TKTL1: variants seen among roughly 807,000 people sequenced by gnomAD.
TKTL1 encodes transketolase like 1.
A neutral mutation model predicts 39.3 loss-of-function variants in TKTL1; 1 was observed. That is an observed-to-expected ratio of 0.03 (90% confidence interval 0.01 to 0.12). The LOEUF is 0.12. Among genes scored for constraint, TKTL1 ranks in the 10% least tolerant of loss-of-function variants. The pLI is 1.00. For missense variants in TKTL1, 575 were observed against 509.6 expected, an observed-to-expected ratio of 1.13 and a Z score of -1.24; for synonymous variants, 262 against 193.8, an observed-to-expected ratio of 1.35 and a Z score of -2.92.
Position 154,295,888 on chromosome X carries a change from T to C in TKTL1, c.29T>C (p.Phe10Ser). The change falls in exon 1 of 13, where the codon TTC becomes TCC. Residue 10 changes from phenylalanine to serine, a missense_variant. Coordinates refer to ENST00000369915, the MANE Select transcript of TKTL1 (RefSeq NM_012253.4). ...GCGGATGCTGAGGCGAGGGCTGAGTTCCCGGAGGAGGCCAGACCTGACAGG... is the reference window on the plus strand; with the variant it reads ...GCGGATGCTGAGGCGAGGGCTGAGTCCCCGGAGGAGGCCAGACCTGACAGG... MADAEARAE[F>S]PEEARPDRGT... 1 of 1,211,564 alleles carries C rather than the reference T, an allele frequency of 8.3e-7. No individual in the cohort carries two copies. Among genetic ancestry groups the C allele is most frequent in the Non-Finnish European group, 1.1e-6 (1 of 895,349 alleles).
chrX:154,310,257 G>T (rs1451281550), intron 3 of TKTL1, among the ~76,000 whole-genome samples: 1 of 109,536 alleles, frequency 9.1e-6, no homozygotes, highest in Non-Finnish European at 1.9e-5. Flanking sequence ...AGGAGTTCGA[G>T]ACCAGCCTGG....
chrX:154,318,181 G>C (rs1358084561), intron 7 of TKTL1, among the ~76,000 whole-genome samples: 7 of 111,045 alleles, frequency 6.3e-5, no homozygotes, highest in Non-Finnish European at 1.1e-4. Context: ...GGGTCCTCTG[G>C]CCTCGGCCTC....
intron 1 of TKTL1, among the ~76,000 whole-genome samples, chrX:154,303,177 T>TTTTATTTATTTA (rs201017132): frequency 1.0e-4 from 9 of 88,807 alleles, no homozygotes; most frequent in East Asian, 3.5e-4. Context: ...TTTTTAAAAT[T>TTTTATTTATTTA]TTTATTTATT....
At chrX:154,301,158 C>T (rs1304201265) in intron 1 of TKTL1, among the ~76,000 whole-genome samples, 1 of 111,435 alleles carries the variant, frequency 9.0e-6, no homozygotes. Flanking sequence ...AGTTTTCCAT[C>T]TATTATTGAT....
intron 1 of TKTL1, among the ~76,000 whole-genome samples, chrX:154,298,185 A>G (rs782114190): frequency 9.0e-6 from 1 of 110,603 alleles, no homozygotes; most frequent in South Asian, 3.8e-4. Flanking sequence ...TTTCTGTAGA[A>G]GCGGTATTAA....
At chrX:154,320,637 A>G (rs370533837) in intron 7 of TKTL1, 120 bp from the exon 8 acceptor site, 14 of 735,158 alleles carry the variant, frequency 1.9e-5, no homozygotes, top group African/African-American at 1.2e-4. Flanking sequence ...GGAAGGACGC[A>G]TGCTAGAACT....
chrX:154,323,398 A>G (rs2067467704), intron 9 of TKTL1, 61 bp downstream of exon 9: 1 of 1,134,725 alleles, frequency 8.8e-7, no homozygotes, highest in South Asian at 2.0e-5. Context: ...CTAGTTTCAT[A>G]CTGATGATTG....
chrX:154,329,888 T>C lies in TKTL1; in HGVS notation c.*200T>C. On this transcript the variant is annotated 3_prime_UTR_variant, in exon 13 of 13. Transcript: ENST00000369915. ...TGCATATGCAAGTACCGCTCTAATT[T>C]TTGGATCATTAAAGGGAGTTACACA... 1 of 399,163 alleles carries C rather than the reference T, an allele frequency of 2.5e-6. No homozygotes were observed. Among genetic ancestry groups the C allele is most frequent in the South Asian group, 6.7e-5 (1 of 14,910 alleles). 32.9% of individuals were successfully genotyped at this position (399,163 alleles called of 1,213,427 possible).
At position 154,315,241 on chromosome X, in the gene TKTL1, G is replaced by C; in HGVS notation, c.933G>C (p.Val311=). The change falls in exon 7 of 13, where the codon GTG becomes GTC. Residue 311 remains valine (V), a synonymous_variant. Transcript: ENST00000369915. ...KLGYANNRVV[V]LDGDTRYSTF... ...GCTACGCGAACAACAGAGTCGTTGT[G>C]CTGGATGGTGACACCAGGTACTCTA... The C allele has an allele frequency of 5.0e-6, 6 of 1,211,256 alleles. No homozygotes were observed. The highest frequency in any genetic ancestry group is 6.7e-6 in the Non-Finnish European group (6 of 895,169).
intron 9 of TKTL1, among the ~76,000 whole-genome samples, chrX:154,324,606 C>CA (rs1337674522): frequency 1.8e-5 from 2 of 111,517 alleles, no homozygotes; most frequent in African/African-American, 6.5e-5. Flanking sequence ...GAAGGAGGCA[C>CA]AAGGGAACTC....
chrX:154,309,186 G>C (rs1165277050), intron 2 of TKTL1, among the ~76,000 whole-genome samples, 159 bp from the exon 3 acceptor site: 1 of 111,059 alleles, frequency 9.0e-6, no homozygotes, highest in African/African-American at 3.3e-5. Context: ...GGGTGCATAT[G>C]GGTGTGGGGA....
In TKTL1 at chrX:154,311,022, C is replaced by T. The variant is rs1470039474; in HGVS notation, c.537C>T (p.Ala179=). 17 of 1,210,447 alleles carry T rather than the reference C, an allele frequency of 1.4e-5. No individual in the cohort carries two copies. Among genetic ancestry groups the T allele is most frequent in the Non-Finnish European group, 1.9e-5 (17 of 895,193 alleles). The change falls in exon 4 of 13, where the codon GCC becomes GCT. Residue 179 remains alanine (A), a synonymous_variant. Coordinates refer to ENST00000369915, the MANE Select transcript of TKTL1 (RefSeq NM_012253.4). ...CINIYQRRCE[A]FGWNTYVVDG... is the part of the protein sequence containing the mutation. ...ACATCTATCAGAGGCGCTGCGAAGC[C>T]TTTGGGTAACTGTATTCTCTTGTGC...
At chrX:154,315,664 C>T (rs2067393665) in intron 7 of TKTL1, among the ~76,000 whole-genome samples, 1 of 111,627 alleles carries the variant, frequency 9.0e-6, no homozygotes, top group South Asian at 3.8e-4. Context: ...CCTAGTAGCT[C>T]CTTCTGCCCA....
intron 2 of TKTL1, among the ~76,000 whole-genome samples, chrX:154,307,396 A>G (rs1182668997): frequency 1.8e-5 from 2 of 111,871 alleles, no homozygotes; most frequent in Admixed American, 9.5e-5. Flanking sequence ...AAACACATGA[A>G]GCATAGTCCA....
intron 1 of TKTL1, among the ~76,000 whole-genome samples, chrX:154,297,243 GTTTT>G (rs142646789): frequency 3.2e-5 from 3 of 92,736 alleles, no homozygotes; most frequent in African/African-American, 6.8e-5. Context: ...TGGTCTACAG[GTTTT>G]TTTTGTTTTT....
Position 154,325,339 on chromosome X carries a change from G to T in TKTL1, c.1318G>T (p.Gly440Trp), listed in dbSNP as rs781864611. The T allele has an allele frequency of 1.7e-6, 2 of 1,207,823 alleles. No individual in the cohort carries two copies. Among genetic ancestry groups the T allele is most frequent in the African/African-American group, 1.7e-5 (1 of 57,300 alleles). Residue 440 changes from glycine (G) to tryptophan (W), a missense_variant and splice_region_variant, in exon 10 of 13, where the codon GGG (glycine) becomes TGG (tryptophan). Physicochemically the swap from Gly to Trp is radical, Grantham distance 184. Transcript: ENST00000369915. ...HAVALAANAK[G>W]MCFIRTTRPE... The stretch of plus-strand genomic sequence containing the variant: ...AACCATGGCTCCATTTATGCCCTAG[G>T]GGATGTGCTTCATTCGGACCACCCG...
At position 154,320,826 on chromosome X, in the gene TKTL1, C is replaced by G; in HGVS notation, c.1099C>G (p.Leu367Val). The part of the protein sequence containing the change: ...IAFASTFAAF[L>V]TRAFDHIRIG... The stretch of plus-strand genomic sequence containing the variant: ...TTTTGCTAGCACCTTTGCTGCCTTT[C>G]TGACTCGAGCATTTGATCACATCCG... Residue 367 changes from leucine (L) to valine (V), a missense_variant, in exon 8 of 13, where the codon CTG (leucine) becomes GTG (valine). Physicochemically the swap from Leu to Val is conservative, Grantham distance 32. Coordinates refer to ENST00000369915, the MANE Select transcript of TKTL1 (RefSeq NM_012253.4). The G allele has an allele frequency of 3.3e-6, 4 of 1,211,280 alleles. No individual in the cohort carries two copies. Among genetic ancestry groups the G allele is most frequent in the Non-Finnish European group, 4.5e-6 (4 of 895,105 alleles).
intron 1 of TKTL1, among the ~76,000 whole-genome samples, chrX:154,301,155 C>T (rs1341502600): frequency 1.8e-5 from 2 of 111,260 alleles, no homozygotes; most frequent in Admixed American, 1.9e-4. Flanking sequence ...TCCAGTTTTC[C>T]ATCTATTATT....
chrX:154,303,379 A>ATT (rs1172255094), intron 1 of TKTL1, among the ~76,000 whole-genome samples: 737 of 33,674 alleles, frequency 0.022, 78 homozygotes, highest in Non-Finnish European at 0.029. Flanking sequence ...TGCCCAGCTA[A>ATT]TTTTTTTTTT....
Sources: gnomAD v4.1 joint callset for allele counts (sites outside exome capture counted in the v4.1 genomes callset) on GRCh38, gnomAD v4.1.1 for gene constraint, MANE v1.5 for transcripts, NCBI Gene and HGNC (gene_info 2026-07-23, HGNC 2026-07-21) for gene names.